MTFR1: variants seen among roughly 807,000 people sequenced by gnomAD.
The protein encoded by MTFR1 is chondrocyte protein with a poly-proline region.
In MTFR1, 28 loss-of-function variants were observed where a neutral mutation model predicts 38.8. The observed-to-expected ratio is 0.72, with a 90% CI of 0.53 to 0.99. The LOEUF is 0.99. Among genes scored for constraint, MTFR1 ranks in the 50% least tolerant of loss-of-function variants. MTFR1 has a pLI of 0.00. For missense variants in MTFR1, 358 were observed against 395.5 expected (o/e 0.91, Z 0.81); for synonymous variants, 145 against 137.0 (o/e 1.06, Z -0.41).
intron 1 of MTFR1, among the ~76,000 whole-genome samples, chr8:65,668,532 T>C (rs1271309345): frequency 6.8e-6 from 1 of 147,524 alleles, no homozygotes. Context: ...TTTCTTTTTT[T>C]TTTTTTTTTT....
chr8:65,655,969 C>CGTATATATATATATATATA, intron 1 of MTFR1, among the ~76,000 whole-genome samples: 1 of 56,482 alleles, frequency 1.8e-5, no homozygotes, highest in African/African-American at 1.0e-4. Context: ...TATATATATA[C>CGTATATATATATATATATA]CATATATATA....
intron 2 of MTFR1, among the ~76,000 whole-genome samples, chr8:65,717,153 C>T (rs867159663): frequency 2.2e-4 from 33 of 152,254 alleles, no homozygotes; most frequent in Non-Finnish European, 5.9e-5. Flanking sequence ...TACTAGAAAA[C>T]CGAAAATTAT....
At chr8:65,716,820 A>AT (rs1806160824) in intron 2 of MTFR1, among the ~76,000 whole-genome samples, 1 of 152,176 alleles carries the variant, frequency 6.6e-6, no homozygotes, top group Non-Finnish European at 1.5e-5. Flanking sequence ...TTCTGTACAC[A>AT]TTAAATATAG....
rs942445244 is a variant in MTFR1, at chr8:65,693,829, A to G, written c.281+70A>G. The G allele has an allele frequency of 2.1e-5, 25 of 1,185,436 alleles. No individual in the cohort carries two copies. In the African/African-American group the frequency reaches 2.3e-4, roughly 11 times the overall value. 73.4% of individuals were successfully genotyped at this position (1,185,436 alleles called of 1,614,324 possible). A position where few individuals can be genotyped will look rare whatever the true frequency, so the allele number is the denominator to read the frequency against. On this transcript the variant is annotated intron_variant, in intron 4 of 7. Coordinates refer to ENST00000262146, the MANE Select transcript of MTFR1 (RefSeq NM_014637.4). ...TTTAAAGAATGATATTATTTGCAGTACTTATTTTTAATAGCCTAATTTTAT... is the reference window on the plus strand; with the variant it reads ...TTTAAAGAATGATATTATTTGCAGTGCTTATTTTTAATAGCCTAATTTTAT...
chr8:65,741,331 T>C (rs528079795), intron 3 of MTFR1, among the ~76,000 whole-genome samples: 32 of 152,260 alleles, frequency 2.1e-4, no homozygotes, highest in African/African-American at 7.5e-4. Context: ...TACAAAAATG[T>C]ATAAAAGACA....
intron 1 of MTFR1, among the ~76,000 whole-genome samples, chr8:65,650,136 G>T (rs150993554): frequency 6.6e-6 from 1 of 151,694 alleles, no homozygotes; most frequent in African/African-American, 2.4e-5. Context: ...ACCATGCCCA[G>T]CCTAATTTTT....
At chr8:65,750,325 A>C (rs1434046095) in intron 3 of MTFR1, among the ~76,000 whole-genome samples, 1 of 152,204 alleles carries the variant, frequency 6.6e-6, no homozygotes, top group Non-Finnish European at 1.5e-5. Flanking sequence ...CCTAAAGCAG[A>C]GTTCAAGGTC....
intron 4 of MTFR1, 99 bp downstream of exon 4, chr8:65,693,858 T>G: frequency 4.8e-6 from 4 of 838,884 alleles, no homozygotes; most frequent in Non-Finnish European, 7.8e-6. Flanking sequence ...ATTTTATCTC[T>G]AGTAATGCAC....
chr8:65,713,453 C>CACACAT (rs1806011986), downstream of MTFR1, among the ~76,000 whole-genome samples: 1 of 129,818 alleles, frequency 7.7e-6, no homozygotes, highest in African/African-American at 3.0e-5. Context: ...CACACACACA[C>CACACAT]ACACACACAC....
chr8:65,691,307 A>C (rs1012803545), intron 3 of MTFR1, among the ~76,000 whole-genome samples: 7 of 152,146 alleles, frequency 4.6e-5, no homozygotes, highest in East Asian at 1.9e-4. Flanking sequence ...CTATTTTTTG[A>C]GACAGAGTCT....
intron 1 of MTFR1, among the ~76,000 whole-genome samples, chr8:65,649,430 C>G (rs570545468): frequency 6.6e-6 from 1 of 152,056 alleles, no homozygotes; most frequent in Non-Finnish European, 1.5e-5. Flanking sequence ...GGTGATCCAC[C>G]GCCTCAGCCT....
At chr8:65,703,502 C>G (rs139369187) in intron 4 of MTFR1, among the ~76,000 whole-genome samples, 49 of 123,030 alleles carry the variant, frequency 4.0e-4, no homozygotes, top group Non-Finnish European at 5.2e-4. Flanking sequence ...GGCGTGATCT[C>G]GGCTCACTGC....
intron 3 of MTFR1, among the ~76,000 whole-genome samples, chr8:65,750,712 A>G (rs1188906232): frequency 6.6e-6 from 1 of 152,122 alleles, no homozygotes; most frequent in Non-Finnish European, 1.5e-5. Flanking sequence ...CCCAACCATG[A>G]AATCATGGTT....
the MTFR1 span, among the ~76,000 whole-genome samples, chr8:65,776,605 T>A: frequency 6.6e-6 from 1 of 152,208 alleles, no homozygotes; most frequent in Non-Finnish European, 1.5e-5. Context: ...GTTTTCTATG[T>A]AGAGTTATAC....
chr8:65,694,363 C>G (rs1047498642), intron 4 of MTFR1, among the ~76,000 whole-genome samples: 1 of 152,100 alleles, frequency 6.6e-6, no homozygotes, highest in African/African-American at 2.4e-5. Flanking sequence ...ACGTGAGCCA[C>G]CACGCCCAGC....
chr8:65,765,487 T>TTA (rs1808732818), intron 3 of MTFR1: 1 of 19,516 alleles, frequency 5.1e-5, no homozygotes. Flanking sequence ...AGACTCCGTC[T>TTA]CAAAAAAAAA....
At chr8:65,678,947 T>C (rs1804798784) in intron 2 of MTFR1, among the ~76,000 whole-genome samples, 1 of 152,142 alleles carries the variant, frequency 6.6e-6, no homozygotes, top group Non-Finnish European at 1.5e-5. Flanking sequence ...ACCTAGTATT[T>C]TTCTGATATT....
intron 2 of MTFR1, chr8:65,719,232 C>T: frequency 1.7e-6 from 2 of 1,167,770 alleles, no homozygotes; most frequent in Non-Finnish European, 1.3e-6. Context: ...CACCTCAAGA[C>T]CCCATTTCAC....
At chr8:65,683,056 C>G in intron 3 of MTFR1, 1 of 332,822 alleles carries the variant, frequency 3.0e-6, no homozygotes, top group East Asian at 1.7e-4. Context: ...TCTTTTAGCA[C>G]CAAATCTGGA....
Sources: allele counts gnomAD v4.1 joint callset (sites outside exome capture counted in the v4.1 genomes callset), GRCh38; gene constraint gnomAD v4.1.1; transcripts MANE v1.5; gene names NCBI Gene and HGNC (gene_info 2026-07-23, HGNC 2026-07-21).